SEMA4F: variants seen among roughly 807,000 people sequenced by gnomAD.
SEMA4F encodes the protein semaphorin-4F.
SEMA4F carries 51 observed loss-of-function variants against 78.4 expected under a neutral mutation model. That is an observed-to-expected ratio of 0.65 (90% CI 0.52 to 0.82). SEMA4F has a LOEUF of 0.82. SEMA4F is among the 40% of genes least tolerant of loss of function. The pLI is 0.00. For synonymous variants in SEMA4F, 418 were observed against 408.7 expected (o/e 1.02, Z -0.27); for missense variants, 938 against 1,014.4 (o/e 0.92, Z 1.02).
the SEMA4F span, among the ~76,000 whole-genome samples, chr2:74,690,880 G>C: frequency 6.6e-6 from 1 of 152,154 alleles, no homozygotes; most frequent in African/African-American, 2.4e-5. Context: ...TCTAACCTTT[G>C]AGTAATGTGT....
At chr2:74,706,207 C>T in the SEMA4F span, among the ~76,000 whole-genome samples, 1 of 152,022 alleles carries the variant, frequency 6.6e-6, no homozygotes, top group African/African-American at 2.4e-5. Context: ...TATTATGTTT[C>T]CAGTTTACAG....
intron 1 of SEMA4F, chr2:74,655,303 C>T: frequency 2.5e-6 from 1 of 404,014 alleles, no homozygotes; most frequent in Non-Finnish European, 5.1e-6. Context: ...GGATATGATC[C>T]TTTGAAAAGA....
Position 74,674,527 on chromosome 2 carries a change from G to A in SEMA4F, c.852G>A (p.Gln284=). The A allele has an allele frequency of 6.2e-7, 1 of 1,614,020 alleles. No homozygotes were observed. The highest frequency in any genetic ancestry group is 1.1e-5 in the South Asian group (1 of 91,038). The change falls in exon 8 of 14, where the codon CAG becomes CAA. Residue 284 remains glutamine (Q), a synonymous_variant. Coordinates refer to ENST00000357877, the MANE Select transcript of SEMA4F (RefSeq NM_004263.5). ...ACCTCGGGGGCCGGAAGACCCTCCA[G>A]CAGAGATGGACGACGTTTTTGAAAG... is the stretch of plus-strand genomic sequence containing the variant. ...AGDLGGRKTL[Q]QRWTTFLKAD...
chr2:74,670,887 C>T (rs964828703), intron 5 of SEMA4F, among the ~76,000 whole-genome samples: 2 of 152,180 alleles, frequency 1.3e-5, no homozygotes, highest in African/African-American at 2.4e-5. Flanking sequence ...GTATAGCTTC[C>T]CCCTCTTCTG....
the SEMA4F span, among the ~76,000 whole-genome samples, chr2:74,692,287 C>CA: frequency 6.6e-6 from 1 of 152,162 alleles, no homozygotes; most frequent in African/African-American, 2.4e-5. Flanking sequence ...AAGGCAGACA[C>CA]AGAGTTCATG....
In SEMA4F at chr2:74,682,415, CAAA is replaced by C. The variant is rs370845200; in HGVS notation, c.*2220_*2222del. The C allele has an allele frequency of 1.1e-4, 10 of 94,980 alleles. No individual in the cohort carries two copies. The highest frequency in any genetic ancestry group is 6.3e-3 in the Middle Eastern group (1 of 158). 5.9% of individuals were successfully genotyped at this position (94,980 alleles called of 1,614,324 possible). Reference sequence around the variant, plus strand: ...TGGGCAACAGAGCAAAACTCCGTCTCAAAAAAAAAAAAAAAAGATAACCATGAC... The same window carrying C: ...TGGGCAACAGAGCAAAACTCCGTCTCAAAAAAAAAAAAAGATAACCATGAC... On this transcript the variant is annotated 3_prime_UTR_variant, in exon 14 of 14. Coordinates refer to ENST00000357877, the MANE Select transcript of SEMA4F (RefSeq NM_004263.5).
the SEMA4F span, among the ~76,000 whole-genome samples, chr2:74,697,502 C>T: frequency 1.3e-5 from 2 of 152,088 alleles, no homozygotes; most frequent in Non-Finnish European, 2.9e-5. Flanking sequence ...AGCTGAGGCA[C>T]AGAGGGAAGA....
Position 74,654,350 on chromosome 2 carries a change from C to A in SEMA4F, c.-27C>A. The A allele has an allele frequency of 2.1e-6, 3 of 1,459,576 alleles. No homozygotes were observed. The highest frequency in any genetic ancestry group is 1.4e-5 in the South Asian group (1 of 73,438). 90.4% of individuals were successfully genotyped at this position (1,459,576 alleles called of 1,614,324 possible). ...CCTGAGCAGAGGCCGTAGCTTGCGC[C>A]GCACCCGCGGCCAGGCGGAGCCAAA... On this transcript the variant is annotated 5_prime_UTR_variant, in exon 1 of 14. Coordinates refer to ENST00000357877, the MANE Select transcript of SEMA4F (RefSeq NM_004263.5).
At chr2:74,670,003 T>C (rs1684901070) in intron 5 of SEMA4F, among the ~76,000 whole-genome samples, 1 of 152,146 alleles carries the variant, frequency 6.6e-6, no homozygotes, top group African/African-American at 2.4e-5. Flanking sequence ...AAAATAAAAA[T>C]AGGGTTGAAT....
chr2:74,693,896 TCTG>T, the SEMA4F span, among the ~76,000 whole-genome samples: 29 of 152,206 alleles, frequency 1.9e-4, no homozygotes, highest in Admixed American at 4.6e-4. Flanking sequence ...TTTCCAGTCT[TCTG>T]CTGCAGTAAG....
intron 5 of SEMA4F, among the ~76,000 whole-genome samples, chr2:74,664,016 CT>C (rs1191962946): frequency 6.6e-6 from 1 of 152,172 alleles, no homozygotes; most frequent in Admixed American, 6.5e-5. Flanking sequence ...TGAAATGATT[CT>C]ATCACAAACC....
intron 5 of SEMA4F, among the ~76,000 whole-genome samples, chr2:74,668,112 C>G (rs1268161765): frequency 6.6e-6 from 1 of 152,204 alleles, no homozygotes; most frequent in Non-Finnish European, 1.5e-5. Flanking sequence ...CTAGAGACAG[C>G]AGTCAGTTGT....
the SEMA4F span, among the ~76,000 whole-genome samples, chr2:74,690,391 G>A: frequency 6.6e-6 from 1 of 152,070 alleles, no homozygotes; most frequent in Non-Finnish European, 1.5e-5. Flanking sequence ...TTTACAATGT[G>A]CATGAATTGA....
chr2:74,660,655 C>T (rs73949691), intron 4 of SEMA4F, among the ~76,000 whole-genome samples: 2,629 of 152,262 alleles, frequency 0.017, 74 homozygotes, highest in African/African-American at 0.058. Context: ...CTTTCAGACC[C>T]GAGTTAAATG....
intron 5 of SEMA4F, among the ~76,000 whole-genome samples, chr2:74,669,522 T>G (rs1684867028): frequency 6.6e-6 from 1 of 150,746 alleles, no homozygotes; most frequent in African/African-American, 2.4e-5. Flanking sequence ...GAGGCGGAGA[T>G]TACAGTGAGC....
At chr2:74,679,505 C>A in intron 13 of SEMA4F, 94 bp from the exon 14 acceptor site, 1 of 1,521,098 alleles carries the variant, frequency 6.6e-7, no homozygotes, top group Non-Finnish European at 8.9e-7. Context: ...GTCTCCATAG[C>A]CCCTTTTCAT....
Position 74,654,459 on chromosome 2 carries a change from T to G in SEMA4F, c.83T>G (p.Leu28Arg), listed in dbSNP as rs1343694406. 2 of 1,573,778 alleles carry G rather than the reference T, an allele frequency of 1.3e-6. No individual in the cohort carries two copies. The highest frequency in any genetic ancestry group is 1.7e-6 in the Non-Finnish European group (2 of 1,164,912). The change falls in exon 1 of 14, where the codon CTG (leucine) becomes CGG (arginine). Residue 28 changes from leucine (L) to arginine (R), a missense_variant. By Grantham distance (102) the Leu-to-Arg change is moderately radical (BLOSUM62 -2). Transcript: ENST00000357877. ...TTCCCGCTACTGCTGCTGGCGGTGC[T>G]GAGCGGCCCGGTATCCGGCCGCGTC... ...SPFPLLLLAV[L>R]SGPVSGRVPR...
At position 74,654,333 on chromosome 2, in the gene SEMA4F, G is replaced by T. The variant is rs939341962; in HGVS notation, c.-44G>T. 7.0e-7 allele frequency: 1 copy of T among 1,428,952 alleles called. No homozygotes were observed. The highest frequency in any genetic ancestry group is 9.1e-7 in the Non-Finnish European group (1 of 1,098,672). The allele number at this position is 1,428,952 out of a possible 1,614,324, so 88.5% of individuals were successfully genotyped here. On this transcript the variant is annotated 5_prime_UTR_variant, in exon 1 of 14. Transcript: ENST00000357877. ...GCCAGTAGCCCCGGGGCCCTGAGCA[G>T]AGGCCGTAGCTTGCGCCGCACCCGC...
chr2:74,670,881 A>G (rs1684947846), intron 5 of SEMA4F, among the ~76,000 whole-genome samples: 2 of 152,234 alleles, frequency 1.3e-5, no homozygotes, highest in South Asian at 4.1e-4. Flanking sequence ...ATCTTTGTAT[A>G]GCTTCCCCCT....
Sources: allele counts gnomAD v4.1 joint callset (sites outside exome capture counted in the v4.1 genomes callset), GRCh38; gene constraint gnomAD v4.1.1; transcripts MANE v1.5; gene names NCBI Gene and HGNC (gene_info 2026-07-23, HGNC 2026-07-21).